The following AK9 variants were observed in gnomAD, a reference collection of about 807,000 sequenced individuals.
The protein encoded by AK9 is adenylate kinase domain containing 1.
AK9 carries 191 observed loss-of-function variants against 239.6 expected under a neutral mutation model. The observed-to-expected ratio is 0.80, with a 90% CI of 0.71 to 0.90. AK9 has a LOEUF of 0.90. AK9 is among the 40% of genes least tolerant of loss of function. The pLI is 0.00. For synonymous variants in AK9, 689 were observed against 721.0 expected (o/e 0.96, Z 0.71); for missense variants, 1,995 against 2,214.7 (o/e 0.90, Z 1.99).
chr6:109,508,165 C>T (rs1269551085), intron 33 of AK9, among the ~76,000 whole-genome samples: 1 of 152,186 alleles, frequency 6.6e-6, no homozygotes, highest in African/African-American at 2.4e-5. Flanking sequence ...CACTGGCCTA[C>T]AATTCTACAG....
intron 12 of AK9, among the ~76,000 whole-genome samples, chr6:109,619,827 TTTCA>T (rs1396564927): frequency 1.6e-4 from 24 of 152,220 alleles, no homozygotes; most frequent in Non-Finnish European, 5.9e-5. Context: ...CTTCCCCAGC[TTTCA>T]TTCCTGGCCC....
chr6:109,638,055 A>G (rs1405019540), intron 10 of AK9, among the ~76,000 whole-genome samples: 1 of 152,166 alleles, frequency 6.6e-6, no homozygotes, highest in Non-Finnish European at 1.5e-5. Flanking sequence ...GATATGAATA[A>G]TGACTCCAGC....
chr6:109,515,802 C>T (rs1297048702), intron 31 of AK9, 55 bp downstream of exon 31: 2 of 1,437,042 alleles, frequency 1.4e-6, no homozygotes, highest in African/African-American at 1.4e-5. Context: ...AAAAGACATA[C>T]CTTTGAAAAA....
chr6:109,672,095 T>A lies in AK9; in HGVS notation c.234+20A>T. 1 of 1,613,236 alleles carries A rather than the reference T, an allele frequency of 6.2e-7. No homozygotes were observed. Among genetic ancestry groups the A allele is most frequent in the Non-Finnish European group, 8.5e-7 (1 of 1,179,532 alleles). ...GCTTTTTTTGTAATCATAGTTACTTTGAAATTTAGGTTTGTTTACCATAAC... is the reference window on the plus strand; with the variant it reads ...GCTTTTTTTGTAATCATAGTTACTTAGAAATTTAGGTTTGTTTACCATAAC... On this transcript the variant is annotated intron_variant, in intron 4 of 40. Transcript: ENST00000424296.
chr6:109,659,134 C>G, intron 7 of AK9, 94 bp downstream of exon 7: 1 of 1,343,826 alleles, frequency 7.4e-7, no homozygotes, highest in Non-Finnish European at 9.8e-7. Context: ...AAATGTATAG[C>G]ATCTACTATT....
rs563668910 is a variant in AK9, at chr6:109,632,870, G to C, written c.1254+53C>G. 2.5e-3 allele frequency: 3,817 copies of C among 1,511,644 alleles called. 9 individuals are homozygous for C. The highest frequency in any genetic ancestry group is 4.1e-3 in the South Asian group (329 of 81,092). 93.6% of individuals were successfully genotyped at this position (1,511,644 alleles called of 1,614,324 possible). A position where few individuals can be genotyped will look rare whatever the true frequency, so the allele number is the denominator to read the frequency against. On this transcript the variant is annotated intron_variant, in intron 12 of 40. Coordinates refer to ENST00000424296, the MANE Select transcript of AK9 (RefSeq NM_001145128.3). ...GATACATGACAGATAGACATAGATAGATAGATAGATAGATAGATAGATAGA... is the reference window on the plus strand; with the variant it reads ...GATACATGACAGATAGACATAGATACATAGATAGATAGATAGATAGATAGA...
At chr6:109,660,889 TG>T in intron 6 of AK9, 1 of 458,418 alleles carries the variant, frequency 2.2e-6, no homozygotes. Context: ...GACCACTCTC[TG>T]ATAACTACTG....
At chr6:109,495,273 A>G (rs1021703379) in intron 39 of AK9, 65 bp downstream of exon 39, 32 of 1,233,784 alleles carry the variant, frequency 2.6e-5, no homozygotes, top group Admixed American at 4.8e-5. Context: ...AATGAAAATT[A>G]GTGTTAAAAA....
intron 17 of AK9, among the ~76,000 whole-genome samples, chr6:109,594,848 C>T (rs149530825): frequency 6.6e-6 from 1 of 151,946 alleles, no homozygotes; most frequent in Non-Finnish European, 1.5e-5. Flanking sequence ...ACACCTTATA[C>T]AAAATTAACT....
At chr6:109,690,905 T>A (rs1056996538) in intron 1 of AK9, among the ~76,000 whole-genome samples, 81 of 152,020 alleles carry the variant, frequency 5.3e-4, no homozygotes, top group African/African-American at 1.9e-3. Context: ...AGGTACAACA[T>A]GGATTAGAGG....
At chr6:109,638,759 G>T (rs1211015886) in intron 10 of AK9, among the ~76,000 whole-genome samples, 1 of 152,156 alleles carries the variant, frequency 6.6e-6, no homozygotes, top group Admixed American at 6.5e-5. Context: ...CCATCAACTT[G>T]TCATTTACAT....
intron 19 of AK9, among the ~76,000 whole-genome samples, chr6:109,584,054 C>T (rs1294900548): frequency 1.3e-5 from 2 of 152,046 alleles, no homozygotes; most frequent in Non-Finnish European, 2.9e-5. Context: ...TAATTATTGT[C>T]TGAATTAAAG....
At chr6:109,570,319 T>C (rs760921200) in intron 21 of AK9, among the ~76,000 whole-genome samples, 10 of 151,960 alleles carry the variant, frequency 6.6e-5, no homozygotes, top group East Asian at 3.9e-4. Context: ...TTAGGAGGTA[T>C]ACCTAATGTA....
At position 109,586,034 on chromosome 6, in the gene AK9, T is replaced by C; in HGVS notation, c.1881A>G (p.Pro627=). 6.4e-7 allele frequency: 1 copy of C among 1,551,410 alleles called. No individual in the cohort carries two copies. Among genetic ancestry groups the C allele is most frequent in the Non-Finnish European group, 8.7e-7 (1 of 1,146,904 alleles). ...TGTCCACAATCCAGCCTCCATATTT[T>C]GGGGCACCAGGAAACCTATCCTTGT... ...EENKDRFPGA[P]KYGGWIVDNC... is the part of the protein sequence containing the mutation. Residue 627 remains proline (P), a synonymous_variant, in exon 18 of 41, where the codon CCA becomes CCG. Coordinates refer to ENST00000424296, the MANE Select transcript of AK9 (RefSeq NM_001145128.3).
chr6:109,512,373 AC>A (rs1055279357), intron 32 of AK9, among the ~76,000 whole-genome samples: 52 of 152,288 alleles, frequency 3.4e-4, no homozygotes, highest in African/African-American at 1.2e-3. Flanking sequence ...GCAACCAGAA[AC>A]CCTGGGGGCT....
chr6:109,628,225 C>G (rs1427007837), intron 12 of AK9, among the ~76,000 whole-genome samples: 1 of 152,206 alleles, frequency 6.6e-6, no homozygotes, highest in Non-Finnish European at 1.5e-5. Context: ...CCTCCAGTAT[C>G]TGTTCTGTTC....
chr6:109,610,237 T>C, intron 17 of AK9, 128 bp downstream of exon 17: 3 of 1,164,146 alleles, frequency 2.6e-6, no homozygotes, highest in South Asian at 1.5e-5. Flanking sequence ...GACTACAAAA[T>C]GTACATGAAT....
chr6:109,512,360 T>C (rs1442301719), intron 32 of AK9, among the ~76,000 whole-genome samples: 2 of 152,166 alleles, frequency 1.3e-5, no homozygotes, highest in Non-Finnish European at 2.9e-5. Flanking sequence ...ACCATAAAAA[T>C]GGGCAACCAG....
intron 40 of AK9, 122 bp downstream of exon 40, chr6:109,493,859 T>A (rs1051036623): frequency 2.6e-6 from 2 of 766,142 alleles, no homozygotes; most frequent in East Asian, 5.3e-5. Flanking sequence ...TTGTATTTGC[T>A]ACTAACACTC....
Sources: gnomAD v4.1 joint callset for allele counts (sites outside exome capture counted in the v4.1 genomes callset) on GRCh38, gnomAD v4.1.1 for gene constraint, MANE v1.5 for transcripts, NCBI Gene and HGNC (gene_info 2026-07-23, HGNC 2026-07-21) for gene names.